The following CYP26B1 variants were observed in gnomAD, a reference collection of about 807,000 sequenced individuals.
CYP26B1 encodes the protein cytochrome P450 26B1.
CYP26B1 carries 8 observed loss-of-function variants against 39.1 expected under a neutral mutation model. The ratio of observed to expected loss-of-function variants is 0.20; its 90% confidence interval spans 0.12 to 0.37. The LOEUF (loss-of-function observed/expected upper bound fraction) is 0.37. Ranked by LOEUF, CYP26B1 falls within the 10% of genes least tolerant of loss-of-function variation. The pLI is 1.00. For missense variants in CYP26B1, 615 were observed against 707.0 expected, an observed-to-expected ratio of 0.87 and a Z score of 1.48; for synonymous variants, 321 against 314.3, an observed-to-expected ratio of 1.02 and a Z score of -0.23.
intron 2 of CYP26B1, among the ~76,000 whole-genome samples, chr2:72,139,254 A>G (rs1191171301): frequency 1.3e-5 from 2 of 152,156 alleles, no homozygotes; most frequent in Non-Finnish European, 2.9e-5. Flanking sequence ...GAGTGGAAAG[A>G]ATAACAGAGG....
At chr2:72,133,675 T>C (rs536921006) in intron 4 of CYP26B1, among the ~76,000 whole-genome samples, 11 of 152,330 alleles carry the variant, frequency 7.2e-5, no homozygotes, top group Non-Finnish European at 1.6e-4. Context: ...AGCCAGGCCC[T>C]GCGCAGCAGG....
In CYP26B1 at chr2:72,139,480, G is replaced by A. The variant is rs189535476; in HGVS notation, c.430-4061C>T. Among the ~76,000 whole-genome samples, 432 of 152,238 alleles carry A rather than the reference G, an allele frequency of 2.8e-3. 3 individuals carry two copies. The highest frequency in any genetic ancestry group is 0.01 in the African/African-American group (425 of 41,552). ...GGGTACACTCAGCCCCTCTGGTTGC[G>A]AGGAGGCTGGCCCAGACCCCCAACA... On this transcript the variant is annotated intron_variant, in intron 2 of 5. Transcript: ENST00000001146.
At position 72,147,727 on chromosome 2, in the gene CYP26B1, G is replaced by A. The variant is rs753912032; in HGVS notation, c.108C>T (p.Arg36=). The A allele has an allele frequency of 5.0e-6, 8 of 1,595,550 alleles. No homozygotes were observed. Among genetic ancestry groups the A allele is most frequent in the Middle Eastern group, 1.7e-4 (1 of 6,052 alleles). The change falls in exon 1 of 6, where the codon CGC becomes CGT. Residue 36 remains arginine (R), a synonymous_variant. Transcript: ENST00000001146. This position sits in a 1 kb window ranked among gnomAD's most constrained non-coding sequence, Gnocchi z 6.1. ...LAVSQQLWQL[R]WAATRDKSCK... The stretch of plus-strand genomic sequence containing the variant: ...AGCTCTTGTCGCGAGTGGCGGCCCA[G>A]CGCAGCTGCCACAGCTGCTGCGACA...
rs1179205871 is a variant in CYP26B1 at position 72,132,229 on chromosome 2, A to G, written c.1537T>C (p.Ter513GlnextTer58). Residue 513 changes from the stop codon to glutamine (Q), a stop_lost, in exon 6 of 6, where the codon TAA (stop) becomes CAA (glutamine). Transcript: ENST00000001146. The stretch of plus-strand genomic sequence containing the variant: ...GGCTGAGGCGGGTGGGTCTTGGGTT[A>G]GACTGTGGCGCTCAGCATGGCCTCC... ...ETEAMLSATV[*>Q] The G allele has an allele frequency of 6.3e-7, 1 of 1,598,720 alleles. No individual in the cohort carries two copies.
intron 2 of CYP26B1, among the ~76,000 whole-genome samples, chr2:72,136,326 C>A (rs937464966): frequency 2.6e-5 from 4 of 152,188 alleles, no homozygotes; most frequent in African/African-American, 9.6e-5. Context: ...CACACACACG[C>A]GCCGCCCTCC....
At position 72,147,491 on chromosome 2, in the gene CYP26B1, T is replaced by G. The variant is rs1677154116; in HGVS notation, c.204+140A>C. ...GGCGGGCTGGGGAAGCCCGGGCTGC[T>G]GCGGCAGAGAGGAGGGAAGGGGCGG... On this transcript the variant is annotated intron_variant, in intron 1 of 5. Transcript: ENST00000001146. This position sits in a 1 kb window ranked among gnomAD's most constrained non-coding sequence, Gnocchi z 6.1. 4.5e-6 allele frequency: 4 copies of G among 881,742 alleles called. No homozygotes were observed. The highest frequency in any genetic ancestry group is 6.4e-6 in the Non-Finnish European group (4 of 629,344). The allele number at this position is 881,742 out of a possible 1,614,324, so 54.6% of individuals were successfully genotyped here. A position where few individuals can be genotyped will look rare whatever the true frequency, so the allele number is the denominator to read the frequency against.
Position 72,134,887 on chromosome 2 carries a change from C to T in CYP26B1, c.735G>A (p.Lys245=). 1 of 1,614,174 alleles carries T rather than the reference C, an allele frequency of 6.2e-7. No individual in the cohort carries two copies. The highest frequency in any genetic ancestry group is 1.3e-5 in the African/African-American group (1 of 75,052). The change falls in exon 4 of 6, where the codon AAG becomes AAA. Residue 245 remains lysine, a synonymous_variant. Coordinates refer to ENST00000001146, the MANE Select transcript of CYP26B1 (RefSeq NM_019885.4). ...RGIQARQILQ[K]GLEKAIREKL... is the part of the protein sequence containing the mutation. ...TCTCCCGGATGGCCTTCTCCAGCCCCTTCTGCAGGATCTGCCGAGCCTGAA... is the reference window on the plus strand; with the variant it reads ...TCTCCCGGATGGCCTTCTCCAGCCCTTTCTGCAGGATCTGCCGAGCCTGAA...
At chr2:72,139,335 G>A (rs76273241) in intron 2 of CYP26B1, among the ~76,000 whole-genome samples, 1,638 of 152,300 alleles carry the variant, frequency 0.011, 33 homozygotes, top group African/African-American at 0.037. Flanking sequence ...TCAAGCAAGG[G>A]GGGTAAGAGA....
chr2:72,142,812 G>C lies in CYP26B1; in HGVS notation c.429+1177C>G, dbSNP rs560173397. On this transcript the variant is annotated intron_variant, in intron 2 of 5. Coordinates refer to ENST00000001146, the MANE Select transcript of CYP26B1 (RefSeq NM_019885.4). ...CTAGGAGTGGGGCAGATGGAAGAGA[G>C]GACTTTGGGAGCCCCTTTCCAGTTC... Among the ~76,000 whole-genome samples the C allele has an allele frequency of 2.2e-3, 328 of 152,318 alleles. 2 individuals are homozygous for C. The highest frequency in any genetic ancestry group is 3.8e-3 in the Non-Finnish European group (260 of 68,028).
At chr2:72,137,332 C>G (rs965070331) in intron 2 of CYP26B1, among the ~76,000 whole-genome samples, 2 of 152,314 alleles carry the variant, frequency 1.3e-5, no homozygotes, top group Admixed American at 6.5e-5. Flanking sequence ...GCTATCTGCT[C>G]CCCCAAGCCT....
chr2:72,139,993 G>A (rs956096007), intron 2 of CYP26B1, among the ~76,000 whole-genome samples: 2 of 152,240 alleles, frequency 1.3e-5, no homozygotes, highest in African/African-American at 4.8e-5. Flanking sequence ...GGGTCCTGCA[G>A]CTGCTTCCTT....
At chr2:72,141,406 A>C (rs1188126402) in intron 2 of CYP26B1, among the ~76,000 whole-genome samples, 2 of 152,194 alleles carry the variant, frequency 1.3e-5, no homozygotes, top group Admixed American at 1.3e-4. Flanking sequence ...CAGTGACGGC[A>C]GTGAGAAGCC....
rs752009576 is a variant in CYP26B1, at chr2:72,132,378, C to T, written c.1388G>A (p.Arg463His). The T allele has an allele frequency of 8.7e-6, 14 of 1,610,956 alleles. No homozygotes were observed. The highest frequency in any genetic ancestry group is 5.3e-5 in the African/African-American group (4 of 74,896). The stretch of plus-strand genomic sequence containing the variant: ...GAAGGTCCGTGTGGCCAGCTCAAAG[C>T]GGCTGGTGCTAGCCAGCTCCACCGC... ...VLAVELASTS[R>H]FELATRTFPR... is the part of the protein sequence containing the mutation. The change falls in exon 6 of 6, where the codon CGC becomes CAC. Residue 463 changes from arginine (R) to histidine (H), a missense_variant. Arg to His is a conservative substitution (Grantham distance 29, BLOSUM62 0). Coordinates refer to ENST00000001146, the MANE Select transcript of CYP26B1 (RefSeq NM_019885.4).
chr2:72,130,735 G>C lies in CYP26B1; in HGVS notation c.*1492C>G, dbSNP rs889917926. The C allele has an allele frequency of 3.3e-5, 5 of 152,270 alleles. No homozygotes were observed. The highest frequency in any genetic ancestry group is 1.2e-4 in the African/African-American group (5 of 41,542). The allele number at this position is 152,270 out of a possible 1,614,324, so 9.4% of individuals were successfully genotyped here. A position where few individuals can be genotyped will look rare whatever the true frequency, so the allele number is the denominator to read the frequency against. On this transcript the variant is annotated 3_prime_UTR_variant, in exon 6 of 6. Transcript: ENST00000001146. ...AACACTCAAAACGCCAGTGGCAGGA[G>C]CTACTCCTCTTTCACCCAGTCATCC... is the stretch of plus-strand genomic sequence containing the variant.
Position 72,132,264 on chromosome 2 carries a change from A to G in CYP26B1, c.1502T>C (p.Leu501Pro), listed in dbSNP as rs919489984. 1 of 1,604,734 alleles carries G rather than the reference A, an allele frequency of 6.2e-7. No homozygotes were observed. Among genetic ancestry groups the G allele is most frequent in the Non-Finnish European group, 8.5e-7 (1 of 1,176,096 alleles). ...FGLDSNQNEI[L>P]PETEAMLSAT... is the part of the protein sequence containing the mutation. ...GCTCAGCATGGCCTCCGTCTCCGGCAGGATCTCGTTCTGGTTGGAGTCCAG... is the reference window on the plus strand; with the variant it reads ...GCTCAGCATGGCCTCCGTCTCCGGCGGGATCTCGTTCTGGTTGGAGTCCAG... Residue 501 changes from leucine (L) to proline (P), a missense_variant, in exon 6 of 6, where the codon CTG becomes CCG. Physicochemically the swap from Leu to Pro is moderately conservative, Grantham distance 98. Transcript: ENST00000001146.
intron 3 of CYP26B1, 55 bp downstream of exon 3, chr2:72,135,089 G>A: frequency 1.2e-6 from 2 of 1,609,812 alleles, no homozygotes; most frequent in South Asian, 1.1e-5. Context: ...CCCACCCCCA[G>A]AGAGGGGGCT....
At chr2:72,133,403 G>A in intron 4 of CYP26B1, 96 bp from the exon 5 acceptor site, 1 of 1,472,114 alleles carries the variant, frequency 6.8e-7, no homozygotes. Context: ...CAGGTCATCT[G>A]TGCTGGGCCC....
At chr2:72,137,821 G>T (rs1419913291) in intron 2 of CYP26B1, among the ~76,000 whole-genome samples, 2 of 152,190 alleles carry the variant, frequency 1.3e-5, no homozygotes, top group Admixed American at 1.3e-4. Context: ...CATGGGCAAG[G>T]CCAGGAGCTA....
At chr2:72,139,022 T>C (rs969631880) in intron 2 of CYP26B1, among the ~76,000 whole-genome samples, 2 of 152,198 alleles carry the variant, frequency 1.3e-5, no homozygotes, top group Admixed American at 6.5e-5. Context: ...GTGAACCCCA[T>C]GGCCCTGCGT....
Sources: gnomAD v4.1 joint callset for allele counts (sites outside exome capture counted in the v4.1 genomes callset) on GRCh38, gnomAD v4.1.1 for gene constraint, Gnocchi (gnomAD v3.1) non-coding constraint, MANE v1.5 for transcripts, NCBI Gene and HGNC (gene_info 2026-07-23, HGNC 2026-07-21) for gene names.